The following LZTS1 variants were observed in gnomAD, a reference collection of about 807,000 sequenced individuals.
LZTS1 encodes leucine zipper tumor suppressor 1, also known as leucine zipper putative tumor suppressor 1.
A neutral mutation model predicts 45.8 loss-of-function variants in LZTS1; 31 were observed. The observed-to-expected ratio is 0.68, with a 90% CI of 0.51 to 0.91. The LOEUF is 0.91. Ranked by LOEUF, LZTS1 falls within the 40% of genes least tolerant of loss-of-function variation. LZTS1 has a pLI of 0.00. For synonymous variants in LZTS1, 359 were observed against 357.3 expected (o/e 1.00, Z -0.05); for missense variants, 821 against 788.9 (o/e 1.04, Z -0.49).
chr8:20,267,674 T>C (rs1800389230), intron 1 of LZTS1, among the ~76,000 whole-genome samples: 1 of 152,138 alleles, frequency 6.6e-6, no homozygotes, highest in Non-Finnish European at 1.5e-5. Flanking sequence ...CACGCCACCA[T>C]GCCCAGCTAA....
In LZTS1 at chr8:20,250,691, G is replaced by A. The variant is rs375543498; in HGVS notation, c.1150-328C>T. Among the ~76,000 whole-genome samples, 62 of 152,096 alleles carry A rather than the reference G, an allele frequency of 4.1e-4. 1 individual carries two copies. The South Asian group carries it at 9.5e-3, about 23-fold the overall frequency. On this transcript the variant is annotated intron_variant, in intron 3 of 3. Coordinates refer to ENST00000381569, the MANE Select transcript of LZTS1 (RefSeq NM_021020.5). ...GTGATCTTGGCTCACTGCAACCTCC[G>A]CCTCCCCTCTGATTCTCCTGCCTCA...
At position 20,273,778 on chromosome 8, in the gene LZTS1, GT is replaced by G. The variant is rs796073706; in HGVS notation, c.-134-18464del. The stretch of plus-strand genomic sequence containing the variant: ...GGAAATTAATAGACCTGTTATATTT[GT>G]TTTTTTTTTTCCTAGCTCTCCCAAG... On this transcript the variant is annotated intron_variant, in intron 1 of 3. Transcript: ENST00000381569. Among the ~76,000 whole-genome samples the G allele has an allele frequency of 5.7e-3, 856 of 150,048 alleles. 15 individuals carry two copies. Among genetic ancestry groups the G allele is most frequent in the African/African-American group, 0.02 (813 of 39,878 alleles).
At chr8:20,271,265 A>G (rs1185659030) in intron 1 of LZTS1, among the ~76,000 whole-genome samples, 2 of 152,140 alleles carry the variant, frequency 1.3e-5, no homozygotes, top group Non-Finnish European at 2.9e-5. Flanking sequence ...TCAGTGAACT[A>G]GAGCCTCACA....
At chr8:20,299,971 A>C (rs562799035) in intron 1 of LZTS1, among the ~76,000 whole-genome samples, 1 of 152,300 alleles carries the variant, frequency 6.6e-6, no homozygotes, top group Non-Finnish European at 1.5e-5. Context: ...TGGCGGCTCA[A>C]AGTGCAGGAT....
At chr8:20,302,908 GAA>G (rs1445751816) in intron 1 of LZTS1, among the ~76,000 whole-genome samples, 2 of 152,024 alleles carry the variant, frequency 1.3e-5, no homozygotes, top group Non-Finnish European at 2.9e-5. Flanking sequence ...CTTGGAGCAC[GAA>G]AAAGAGACAT....
chr8:20,262,437 T>C (rs1800253808), intron 1 of LZTS1, among the ~76,000 whole-genome samples: 1 of 152,124 alleles, frequency 6.6e-6, no homozygotes, highest in South Asian at 2.1e-4. Flanking sequence ...TGTTCATGTG[T>C]GCACGTCTTT....
intron 1 of LZTS1, among the ~76,000 whole-genome samples, chr8:20,255,720 G>A (rs1457239683): frequency 6.6e-6 from 1 of 152,138 alleles, no homozygotes; most frequent in African/African-American, 2.4e-5. Context: ...ATTCTGGGAG[G>A]TGGCTGTTTT....
chr8:20,286,616 A>C (rs976968608), intron 1 of LZTS1, among the ~76,000 whole-genome samples: 1 of 152,222 alleles, frequency 6.6e-6, no homozygotes, highest in Non-Finnish European at 1.5e-5. Context: ...CAAGTTGAAC[A>C]CAAGCCCAGC....
rs553163074 is a variant in LZTS1 at position 20,252,637 on chromosome 8, C to G, written c.1149+145G>C. 14 of 582,106 alleles carry G rather than the reference C, an allele frequency of 2.4e-5. No homozygotes were observed. The South Asian group carries it at 7.0e-4, about 29-fold the overall frequency. The allele number at this position is 582,106 out of a possible 1,614,324, so 36.1% of individuals were successfully genotyped here. ...CCCCAACATGGTTTGCAGGGAGCCC[C>G]TTCTTTGGGTGATAAAGCCAGCACA... On this transcript the variant is annotated intron_variant, in intron 3 of 3. Transcript: ENST00000381569.
chr8:20,288,745 A>G (rs538356165), intron 1 of LZTS1, among the ~76,000 whole-genome samples: 1 of 151,290 alleles, frequency 6.6e-6, no homozygotes, highest in African/African-American at 2.4e-5. Flanking sequence ...TCTAGAACTC[A>G]CCCCAACTCT....
chr8:20,300,129 G>A (rs960361046), intron 1 of LZTS1, among the ~76,000 whole-genome samples: 1 of 152,130 alleles, frequency 6.6e-6, no homozygotes, highest in Non-Finnish European at 1.5e-5. Context: ...GCCCCATCTA[G>A]GGAGAGGCCT....
rs1361134000 is a variant in LZTS1 at position 20,303,754 on chromosome 8, T to TC, written c.-150dup. On this transcript the variant is annotated 5_prime_UTR_variant, in exon 1 of 4. Coordinates refer to ENST00000381569, the MANE Select transcript of LZTS1 (RefSeq NM_021020.5). Reference sequence around the variant, plus strand: ...CCGCACCTTACCTGCCCCCTGCGCCTCGGGCGCACTTGAGACTTTTTTTTT... The same window carrying TC: ...CCGCACCTTACCTGCCCCCTGCGCCTCCGGGCGCACTTGAGACTTTTTTTTT... The TC allele has an allele frequency of 1.0e-6, 1 of 981,820 alleles. No homozygotes were observed. 60.8% of individuals were successfully genotyped at this position (981,820 alleles called of 1,614,324 possible).
At chr8:20,277,560 A>T (rs562922745) in intron 1 of LZTS1, among the ~76,000 whole-genome samples, 107 of 152,268 alleles carry the variant, frequency 7.0e-4, no homozygotes, top group African/African-American at 2.5e-3. Context: ...TCCAGTAACA[A>T]GTATATAAGG....
intron 1 of LZTS1, among the ~76,000 whole-genome samples, chr8:20,263,588 G>A (rs762710393): frequency 3.3e-5 from 5 of 152,154 alleles, no homozygotes; most frequent in Non-Finnish European, 5.9e-5. Flanking sequence ...TTCCCTTCAG[G>A]AGCTGGAGAG....
At position 20,248,565 on chromosome 8, in the gene LZTS1, C is replaced by T. The variant is rs59995861; in HGVS notation, c.*1157G>A. The stretch of plus-strand genomic sequence containing the variant: ...CACTGCTGTGTGTATGCCTCTTTTT[C>T]GTCCTGCTTGGGGCTCTGGCTTCCT... On this transcript the variant is annotated 3_prime_UTR_variant, in exon 4 of 4. Transcript: ENST00000381569. 7,324 of 152,206 alleles carry T rather than the reference C, an allele frequency of 0.048. 290 individuals carry two copies. Among genetic ancestry groups the T allele is most frequent in the African/African-American group, 0.11 (4,518 of 41,430 alleles). The allele number at this position is 152,206 out of a possible 1,614,324, so 9.4% of individuals were successfully genotyped here.
rs916209353 is a variant in LZTS1 at position 20,248,035 on chromosome 8, C to T, written c.*1687G>A. On this transcript the variant is annotated 3_prime_UTR_variant, in exon 4 of 4. Transcript: ENST00000381569. Reference sequence around the variant, plus strand: ...AAAGAAAGAAGAATAAAAGAAAAATCTGGCCAGGCACGGTGGCTCACATCT... The same window carrying T: ...AAAGAAAGAAGAATAAAAGAAAAATTTGGCCAGGCACGGTGGCTCACATCT... 6.6e-6 allele frequency: 1 copy of T among 152,460 alleles called. No individual in the cohort carries two copies. The highest frequency in any genetic ancestry group is 1.5e-5 in the Non-Finnish European group (1 of 68,088). The allele number at this position is 152,460 out of a possible 1,614,324, so 9.4% of individuals were successfully genotyped here. A position where few individuals can be genotyped will look rare whatever the true frequency, so the allele number is the denominator to read the frequency against.
At position 20,246,672 on chromosome 8, in the gene LZTS1, G is replaced by A. The variant is rs1352989978; in HGVS notation, c.*3050C>T. On this transcript the variant is annotated 3_prime_UTR_variant, in exon 4 of 4. Coordinates refer to ENST00000381569, the MANE Select transcript of LZTS1 (RefSeq NM_021020.5). ...ATGTGAGCTCAGTGCTATAGGGGCTGTGTGTGCCTGGCAGGAGTTCACTGG... is the reference window on the plus strand; with the variant it reads ...ATGTGAGCTCAGTGCTATAGGGGCTATGTGTGCCTGGCAGGAGTTCACTGG... 1 of 152,404 alleles carries A rather than the reference G, an allele frequency of 6.6e-6. No individual in the cohort carries two copies. The highest frequency in any genetic ancestry group is 1.9e-4 in the East Asian group (1 of 5,202). 9.4% of individuals were successfully genotyped at this position (152,404 alleles called of 1,614,324 possible).
At chr8:20,251,098 A>AATATATATAT (rs527759585) in intron 3 of LZTS1, among the ~76,000 whole-genome samples, 64 of 41,244 alleles carry the variant, frequency 1.6e-3, no homozygotes, top group Non-Finnish European at 1.9e-3. Flanking sequence ...CCTGAGGGCT[A>AATATATATAT]ATATATATAT....
At position 20,250,182 on chromosome 8, in the gene LZTS1, C is replaced by G. The variant is rs148039718; in HGVS notation, c.1331G>C (p.Gly444Ala). 2.4e-4 allele frequency: 384 copies of G among 1,611,296 alleles called. 3 individuals are homozygous for G. In the African/African-American group the frequency reaches 4.7e-3, roughly 20 times the overall value. The change falls in exon 4 of 4, where the codon GGC becomes GCC. Residue 444 changes from glycine (G) to alanine (A), a missense_variant. Coordinates refer to ENST00000381569, the MANE Select transcript of LZTS1 (RefSeq NM_021020.5). ...QDLEGALRTK[G>A]LELEVCENEL... Reference sequence around the variant, plus strand: ...ATTCTCACAGACCTCCAGCTCCAGGCCCTTGGTGCGCAGGGCGCCCTCCAG... The same window carrying G: ...ATTCTCACAGACCTCCAGCTCCAGGGCCTTGGTGCGCAGGGCGCCCTCCAG...
Sources: gnomAD v4.1 joint callset for allele counts (sites outside exome capture counted in the v4.1 genomes callset) on GRCh38, gnomAD v4.1.1 for gene constraint, MANE v1.5 for transcripts, NCBI Gene and HGNC (gene_info 2026-07-23, HGNC 2026-07-21) for gene names.